IHO1: variants seen among roughly 807,000 people sequenced by gnomAD.
IHO1 encodes the protein interactor of HORMAD1 1, also known as interactor of HORMAD1 protein 1.
Under a neutral mutation model 31.0 loss-of-function variants are expected in IHO1, and 13 were observed. The ratio of observed to expected loss-of-function variants is 0.42; its 90% CI spans 0.27 to 0.67. IHO1 has a LOEUF of 0.67. Ranked by LOEUF, IHO1 falls within the 30% of genes least tolerant of loss-of-function variation. The pLI, the probability that IHO1 is intolerant of heterozygous loss-of-function variation, is 0.24. For missense variants in IHO1, 599 were observed against 687.5 expected (o/e 0.87, Z 1.44); for synonymous variants, 221 against 248.4 (o/e 0.89, Z 1.04).
At chr3:49,252,154 A>G (rs1442456664) in intron 6 of IHO1, 2 of 153,870 alleles carry the variant, frequency 1.3e-5, no homozygotes, top group Non-Finnish European at 2.9e-5. Flanking sequence ...TGTTTGTTCA[A>G]TTTTTTCCCA....
At chr3:49,211,933 T>G in intron 2 of IHO1, 97 bp downstream of exon 2, 1 of 723,988 alleles carries the variant, frequency 1.4e-6, no homozygotes, top group Non-Finnish European at 2.5e-6. Context: ...GAGGCCAAGG[T>G]GGGCAGATCA....
chr3:49,230,195 C>T (rs2046464892), intron 2 of IHO1, among the ~76,000 whole-genome samples: 2 of 152,142 alleles, frequency 1.3e-5, no homozygotes, highest in Admixed American at 1.3e-4. Flanking sequence ...AGAAAAAGGA[C>T]ACATAGCTCC....
intron 2 of IHO1, among the ~76,000 whole-genome samples, chr3:49,230,242 T>G (rs913978467): frequency 4.6e-5 from 7 of 152,180 alleles, no homozygotes; most frequent in African/African-American, 1.7e-4. Context: ...TCTTTGTTAT[T>G]AAGAAAAAAT....
intron 2 of IHO1, among the ~76,000 whole-genome samples, chr3:49,224,383 T>C (rs1454654694): frequency 6.6e-6 from 1 of 152,234 alleles, no homozygotes; most frequent in Non-Finnish European, 1.5e-5. Context: ...AGTGTAAGAC[T>C]GCCACCTCCT....
chr3:49,246,309 T>C (rs1358474307), intron 6 of IHO1, among the ~76,000 whole-genome samples: 1 of 151,680 alleles, frequency 6.6e-6, no homozygotes, highest in East Asian at 2.0e-4. Context: ...AGTAAGTCAT[T>C]TATAAGTACC....
At chr3:49,218,376 C>CTTTTTTTTTTTT (rs34312848) in intron 2 of IHO1, among the ~76,000 whole-genome samples, 2 of 105,820 alleles carry the variant, frequency 1.9e-5, no homozygotes, top group Admixed American at 1.1e-4. Flanking sequence ...CAGTTAATAC[C>CTTTTTTTTTTTT]TTTTTTTTTT....
chr3:49,206,029 T>C (rs1311300675), intron 1 of IHO1, among the ~76,000 whole-genome samples: 1 of 152,110 alleles, frequency 6.6e-6, no homozygotes, highest in East Asian at 1.9e-4. Context: ...AGTGGCGCGA[T>C]CTCGGCTCAC....
At chr3:49,249,914 T>C (rs2046740275) in intron 6 of IHO1, among the ~76,000 whole-genome samples, 1 of 152,224 alleles carries the variant, frequency 6.6e-6, no homozygotes, top group South Asian at 2.1e-4. Context: ...GGGAAAAGCT[T>C]GCATCACAAT....
chr3:49,241,281 A>G lies in IHO1; in HGVS notation c.287A>G (p.Asp96Gly), dbSNP rs2046627579. 6.2e-7 allele frequency: 1 copy of G among 1,613,826 alleles called. No individual in the cohort carries two copies. Among genetic ancestry groups the G allele is most frequent in the African/African-American group, 1.3e-5 (1 of 74,900 alleles). ...YQTKPQLFGG[D>G]IKDGGLFPPP... ...ACAAAGCCCCAGCTGTTCGGAGGAGATATAAAAGATGGAGGTTTATTTCCT... is the reference window on the plus strand; with the variant it reads ...ACAAAGCCCCAGCTGTTCGGAGGAGGTATAAAAGATGGAGGTTTATTTCCT... The change falls in exon 4 of 8, where the codon GAT becomes GGT. Residue 96 changes from aspartate to glycine, a missense_variant. Transcript: ENST00000452691.
At chr3:49,237,738 G>A (rs1426233172) in intron 3 of IHO1, among the ~76,000 whole-genome samples, 1 of 151,892 alleles carries the variant, frequency 6.6e-6, no homozygotes, top group African/African-American at 2.4e-5. Context: ...TAAACTTCAT[G>A]TAATCTGTAT....
In IHO1 at chr3:49,256,386, T is replaced by G. The variant is rs147025639; in HGVS notation, c.889T>G (p.Trp297Gly). 0.013 allele frequency: 21,218 copies of G among 1,614,204 alleles called. 147 individuals carry two copies. The highest frequency in any genetic ancestry group is 0.015 in the Non-Finnish European group (18,289 of 1,180,034). Residue 297 changes from tryptophan (W) to glycine (G), a missense_variant, in exon 8 of 8, where the codon TGG (tryptophan) becomes GGG (glycine). Physicochemically the swap from Trp to Gly is radical, Grantham distance 184. Transcript: ENST00000452691. The surrounding 1 kb of genome is among the most constrained non-coding windows in gnomAD (Gnocchi z 4.6). ...EKYTSEKPVL[W>G]QAQALPAAWN... is the part of the protein sequence containing the mutation. ...ATACACCTCTGAGAAACCAGTTTTA[T>G]GGCAGGCCCAGGCCCTCCCTGCTGC...
chr3:49,200,135 G>T (rs1256249822), intron 1 of IHO1, among the ~76,000 whole-genome samples: 1 of 152,122 alleles, frequency 6.6e-6, no homozygotes, highest in Non-Finnish European at 1.5e-5. Flanking sequence ...TTCTGCAGTG[G>T]AGGAACGGGA....
Position 49,256,963 on chromosome 3 carries a change from T to TC in IHO1, c.1468dup (p.Leu490ProfsTer35). The TC allele has an allele frequency of 6.2e-7, 1 of 1,614,228 alleles. No individual in the cohort carries two copies. The highest frequency in any genetic ancestry group is 8.5e-7 in the Non-Finnish European group (1 of 1,180,036). ...GCAATTTCTGTCCCTCAAAGCCCCT[T>TC]CCTGGGGCAGCAGGAACCCCGTGCT... On this transcript the variant is annotated frameshift_variant, in exon 8 of 8. Coordinates refer to ENST00000452691, the MANE Select transcript of IHO1 (RefSeq NM_001135197.2). LOFTEE classifies it low-confidence loss of function (END_TRUNC). This position sits in a 1 kb window ranked among gnomAD's most constrained non-coding sequence, Gnocchi z 4.6.
At chr3:49,194,757 A>G (rs1228151640), upstream of IHO1, among the ~76,000 whole-genome samples, 1 of 151,330 alleles carries the variant, frequency 6.6e-6, no homozygotes, top group Non-Finnish European at 1.5e-5. Context: ...TTAGCCAGAC[A>G]TGGTGACGTG....
Position 49,244,707 on chromosome 3 carries a change from A to T in IHO1, c.506A>T (p.Asp169Val), listed in dbSNP as rs540702186. 1.2e-6 allele frequency: 2 copies of T among 1,614,134 alleles called. No homozygotes were observed. The highest frequency in any genetic ancestry group is 2.2e-5 in the East Asian group (1 of 44,880). The change falls in exon 6 of 8, where the codon GAT (aspartate) becomes GTT (valine). Residue 169 changes from aspartate to valine, a missense_variant. Transcript: ENST00000452691. ...HLSSRSQSILDSLETVAKTLQ... is the reference protein window; with the variant it reads ...HLSSRSQSILVSLETVAKTLQ... Reference sequence around the variant, plus strand: ...AGTTCAAGAAGCCAATCTATTTTGGATTCTTTGGAGACTGTGGCCAAGACA... The same window carrying T: ...AGTTCAAGAAGCCAATCTATTTTGGTTTCTTTGGAGACTGTGGCCAAGACA...
At chr3:49,252,445 T>G (rs4384984) in intron 6 of IHO1, among the ~76,000 whole-genome samples, 110,727 of 151,786 alleles carry the variant, frequency 0.73, 40,886 homozygotes, top group East Asian at 0.99. Flanking sequence ...TTGAGATAGG[T>G]TCTCCCTCTG....
At chr3:49,249,680 T>C (rs1440930896) in intron 6 of IHO1, among the ~76,000 whole-genome samples, 1 of 152,260 alleles carries the variant, frequency 6.6e-6, no homozygotes, top group Non-Finnish European at 1.5e-5. Flanking sequence ...TGGAAATATC[T>C]GTTCATTGTT....
At chr3:49,223,357 C>A (rs2046377667) in intron 2 of IHO1, among the ~76,000 whole-genome samples, 1 of 152,132 alleles carries the variant, frequency 6.6e-6, no homozygotes, top group Non-Finnish European at 1.5e-5. Flanking sequence ...GATATTGTAT[C>A]CCTAGTGCCC....
At chr3:49,243,837 ATT>A (rs2046662283) in intron 4 of IHO1, among the ~76,000 whole-genome samples, 2 of 151,060 alleles carry the variant, frequency 1.3e-5, no homozygotes, top group Non-Finnish European at 1.5e-5. Flanking sequence ...AGAAATGAAT[ATT>A]TTCATATTAA....
Sources: allele counts gnomAD v4.1 joint callset (sites outside exome capture counted in the v4.1 genomes callset), GRCh38; gene constraint gnomAD v4.1.1; non-coding constraint Gnocchi (gnomAD v3.1); transcripts MANE v1.5; gene names NCBI Gene and HGNC (gene_info 2026-07-23, HGNC 2026-07-21).